Variants in MFSD2B observed in about 807,000 individuals in gnomAD.
The protein encoded by MFSD2B is MFSD2 lysolipid transporter B, sphingolipid.
MFSD2B carries 56 observed loss-of-function variants against 58.4 expected under a neutral mutation model. The observed-to-expected ratio is 0.96, with a 90% CI of 0.77 to 1.20. The LOEUF is 1.20. Ranked by LOEUF, MFSD2B falls within the 50% of genes most tolerant of loss-of-function variation. MFSD2B has a pLI of 0.00. For missense variants in MFSD2B, 645 were observed against 667.6 expected (o/e 0.97, Z 0.37); for synonymous variants, 287 against 294.4 (o/e 0.97, Z 0.26).
At chr2:24,011,326 G>A (rs1240016281) in intron 1 of MFSD2B, among the ~76,000 whole-genome samples, 1 of 152,242 alleles carries the variant, frequency 6.6e-6, no homozygotes, top group African/African-American at 2.4e-5. Context: ...TGTTTTGGGG[G>A]ATACAAGAGT....
rs1324165395 is a variant in MFSD2B, at chr2:24,024,331, C to A, written c.1490+60C>A. The A allele has an allele frequency of 4.6e-5, 68 of 1,486,004 alleles. No homozygotes were observed. In the Admixed American group the frequency reaches 1.3e-3, roughly 29 times the overall value. The allele number at this position is 1,486,004 out of a possible 1,614,324, so 92.1% of individuals were successfully genotyped here. On this transcript the variant is annotated intron_variant, in intron 13 of 13. Transcript: ENST00000338315. The surrounding 1 kb of genome is among the most constrained non-coding windows in gnomAD (Gnocchi z 4.3). ...ACAGTGTGGGCTGCTGGGGGAATGACTAACACCAGCCTGCAGACATCCCTG... is the reference window on the plus strand; with the variant it reads ...ACAGTGTGGGCTGCTGGGGGAATGAATAACACCAGCCTGCAGACATCCCTG...
chr2:24,017,046 G>C lies in MFSD2B; in HGVS notation c.471+78G>C. 6.4e-7 allele frequency: 1 copy of C among 1,564,860 alleles called. No homozygotes were observed. Among genetic ancestry groups the C allele is most frequent in the Non-Finnish European group, 8.7e-7 (1 of 1,155,654 alleles). Reference sequence around the variant, plus strand: ...ATGGCCACTCTGAAGTGTGCTGTGGGGGCAGGGCTGCCGCCCTCCCCACCC... The same window carrying C: ...ATGGCCACTCTGAAGTGTGCTGTGGCGGCAGGGCTGCCGCCCTCCCCACCC... On this transcript the variant is annotated intron_variant, in intron 4 of 13. Coordinates refer to ENST00000338315, the MANE Select transcript of MFSD2B (RefSeq NM_001346880.2). The surrounding 1 kb of genome is among the most constrained non-coding windows in gnomAD (Gnocchi z 4.8).
At chr2:24,011,695 A>G (rs1300822400) in intron 1 of MFSD2B, among the ~76,000 whole-genome samples, 1 of 152,200 alleles carries the variant, frequency 6.6e-6, no homozygotes, top group African/African-American at 2.4e-5. Context: ...TATACTAAGC[A>G]CCTACTGTAT....
At chr2:24,019,412 G>A (rs1662672445) in intron 6 of MFSD2B, among the ~76,000 whole-genome samples, 1 of 151,904 alleles carries the variant, frequency 6.6e-6, no homozygotes, top group Admixed American at 6.6e-5. Context: ...TAATATCTGT[G>A]GCCCACCACC....
rs867542825 is a variant in MFSD2B, at chr2:24,025,564, T to C, written c.*108T>C. The stretch of plus-strand genomic sequence containing the variant: ...GGTCTGGCAGTTTAGTATGTGACCT[T>C]TCTCCCTGGGATGTGGAGTCTTCGG... On this transcript the variant is annotated 3_prime_UTR_variant, in exon 14 of 14. Transcript: ENST00000338315. 13 of 1,028,612 alleles carry C rather than the reference T, an allele frequency of 1.3e-5. No individual in the cohort carries two copies. The African/African-American group carries it at 1.3e-4, about 10-fold the overall frequency. 63.7% of individuals were successfully genotyped at this position (1,028,612 alleles called of 1,614,324 possible). A position where few individuals can be genotyped will look rare whatever the true frequency, so the allele number is the denominator to read the frequency against.
Position 24,021,302 on chromosome 2 carries a change from G to A in MFSD2B, c.682-346G>A, listed in dbSNP as rs1662775693. Among the ~76,000 whole-genome samples the A allele has an allele frequency of 6.6e-6, 1 of 152,198 alleles. No individual in the cohort carries two copies. The highest frequency in any genetic ancestry group is 6.5e-5 in the Admixed American group (1 of 15,284). On this transcript the variant is annotated intron_variant, in intron 6 of 13. Transcript: ENST00000338315. This position sits in a 1 kb window ranked among gnomAD's most constrained non-coding sequence, Gnocchi z 5.7. ...CACTCTGAGCCCTGTGGATGGACAG[G>A]GCTCACTTATTCATCATTGGAGCCT...
chr2:24,019,037 G>A (rs931931634), intron 6 of MFSD2B, among the ~76,000 whole-genome samples: 5 of 152,020 alleles, frequency 3.3e-5, no homozygotes, highest in Non-Finnish European at 7.4e-5. Context: ...TTTTAGTAGA[G>A]ATGGGGTTTT....
chr2:24,026,715 A>G lies in MFSD2B; in HGVS notation c.*1259A>G, dbSNP rs1011198243. On this transcript the variant is annotated 3_prime_UTR_variant, in exon 14 of 14. Transcript: ENST00000338315. ...AGGGGACCCTTTTAGATTTCATTCT[A>G]TATACCTCTTCAGCTGGCTGTTCAT... 3 of 152,250 alleles carry G rather than the reference A, an allele frequency of 2.0e-5. No individual in the cohort carries two copies. The highest frequency in any genetic ancestry group is 2.9e-5 in the Non-Finnish European group (2 of 68,042). The allele number at this position is 152,250 out of a possible 1,614,324, so 9.4% of individuals were successfully genotyped here.
In MFSD2B at chr2:24,016,860, C is replaced by T; in HGVS notation, c.363C>T (p.Thr121=). 1.2e-6 allele frequency: 2 copies of T among 1,613,582 alleles called. No homozygotes were observed. Among genetic ancestry groups the T allele is most frequent in the Non-Finnish European group, 8.5e-7 (1 of 1,179,782 alleles). The stretch of plus-strand genomic sequence containing the variant: ...GCTTCCGCAGGGTGCTGGGCTGCAC[C>T]CCCTTCATCGCCCTGGCCTACTTCT... ...GRLMPWVLGC[T]PFIALAYFFL... is the part of the protein sequence containing the mutation. Residue 121 remains threonine (T), a synonymous_variant, in exon 4 of 14, where the codon ACC becomes ACT. Transcript: ENST00000338315.
chr2:24,011,716 G>C (rs961832892), intron 1 of MFSD2B, among the ~76,000 whole-genome samples: 2 of 152,206 alleles, frequency 1.3e-5, no homozygotes, highest in East Asian at 1.9e-4. Flanking sequence ...ACCAAGCTTT[G>C]TTCTAGGTAC....
Position 24,021,342 on chromosome 2 carries a change from C to T in MFSD2B, c.682-306C>T, listed in dbSNP as rs951154419. On this transcript the variant is annotated intron_variant, in intron 6 of 13. Transcript: ENST00000338315. This position sits in a 1 kb window ranked among gnomAD's most constrained non-coding sequence, Gnocchi z 5.7. Reference sequence around the variant, plus strand: ...CATTGGAGCCTCAGGGCCTGGCATGCGGAAGGCAGCAGCAGTCAATGTTTG... The same window carrying T: ...CATTGGAGCCTCAGGGCCTGGCATGTGGAAGGCAGCAGCAGTCAATGTTTG... 1.2e-4 allele frequency among the ~76,000 whole-genome samples: 18 copies of T among 152,136 alleles called. No homozygotes were observed. The highest frequency in any genetic ancestry group is 3.6e-4 in the African/African-American group (15 of 41,430).
rs530383795 is a variant in MFSD2B, at chr2:24,017,759, TA to T, written c.681+173del. Among the ~76,000 whole-genome samples the T allele has an allele frequency of 1.9e-4, 29 of 152,284 alleles. 1 individual carries two copies. In the South Asian group the frequency reaches 6.0e-3, roughly 32 times the overall value. ...CAGTTGAGCAGATGGCCCCCAAATC[TA>T]ACGTCCTCTGCTAAACCTGCCTCCT... is the stretch of plus-strand genomic sequence containing the variant. On this transcript the variant is annotated intron_variant, in intron 6 of 13. Coordinates refer to ENST00000338315, the MANE Select transcript of MFSD2B (RefSeq NM_001346880.2). This position sits in a 1 kb window ranked among gnomAD's most constrained non-coding sequence, Gnocchi z 4.8.
chr2:24,015,689 TAGTC>T (rs1263732996), intron 2 of MFSD2B, among the ~76,000 whole-genome samples: 1 of 152,230 alleles, frequency 6.6e-6, no homozygotes, highest in Non-Finnish European at 1.5e-5. Context: ...ATTATTTACA[TAGTC>T]AGAAAAAACA....
In MFSD2B at chr2:24,013,355, T is replaced by G. The variant is rs748801665; in HGVS notation, c.167T>G (p.Ile56Arg). The G allele has an allele frequency of 6.2e-7, 1 of 1,611,920 alleles. No individual in the cohort carries two copies. Among genetic ancestry groups the G allele is most frequent in the Admixed American group, 1.7e-5 (1 of 59,826 alleles). Residue 56 changes from isoleucine (I) to arginine (R), a missense_variant, in exon 2 of 14, where the codon ATA becomes AGA. Coordinates refer to ENST00000338315, the MANE Select transcript of MFSD2B (RefSeq NM_001346880.2). Reference sequence around the variant, plus strand: ...GGCATTGGTGGGGTCCCCAACCAGATAGCCTCCAGCGCCACAGCCTTTTAC... The same window carrying G: ...GGCATTGGTGGGGTCCCCAACCAGAGAGCCTCCAGCGCCACAGCCTTTTAC... The part of the protein sequence containing the change: ...CYGIGGVPNQ[I>R]ASSATAFYLQ...
intron 1 of MFSD2B, among the ~76,000 whole-genome samples, chr2:24,010,733 C>T (rs1327102981): frequency 6.6e-6 from 1 of 152,172 alleles, no homozygotes; most frequent in African/African-American, 2.4e-5. Flanking sequence ...CCCGATGCCG[C>T]CGGGCCGTGC....
Position 24,022,049 on chromosome 2 carries a change from T to C in MFSD2B, c.894+79T>C. 1.3e-6 allele frequency: 2 copies of C among 1,557,714 alleles called. No homozygotes were observed. The highest frequency in any genetic ancestry group is 1.8e-6 in the Non-Finnish European group (2 of 1,135,660). On this transcript the variant is annotated intron_variant, in intron 8 of 13. Coordinates refer to ENST00000338315, the MANE Select transcript of MFSD2B (RefSeq NM_001346880.2). This position sits in a 1 kb window ranked among gnomAD's most constrained non-coding sequence, Gnocchi z 4.5. ...CATAGGTTCAGGGTGCAGTCTTGGC[T>C]TGAGTTTTATAGGGAGAAACCTGCG...
Position 24,016,223 on chromosome 2 carries a change from T to G in MFSD2B, c.290T>G (p.Val97Gly). ...GKVSGAAADP[V>G]AGFFINRSQR... ...GTGTCTGGGGCGGCTGCTGACCCTG[T>G]GGCTGGGTTCTTCATCAACAGGAGC... The change falls in exon 3 of 14, where the codon GTG becomes GGG. Residue 97 changes from valine to glycine, a missense_variant. Coordinates refer to ENST00000338315, the MANE Select transcript of MFSD2B (RefSeq NM_001346880.2). 1 of 1,614,014 alleles carries G rather than the reference T, an allele frequency of 6.2e-7. No individual in the cohort carries two copies.
chr2:24,023,621 A>C lies in MFSD2B; in HGVS notation c.1208A>C (p.Gln403Pro). 6.2e-7 allele frequency: 1 copy of C among 1,613,948 alleles called. No homozygotes were observed. Residue 403 changes from glutamine to proline, a missense_variant, in exon 12 of 14, where the codon CAG (glutamine) becomes CCG (proline). Transcript: ENST00000338315. The surrounding 1 kb of genome is among the most constrained non-coding windows in gnomAD (Gnocchi z 5.0). Reference sequence around the variant, plus strand: ...GACGTGGTGGATGACTTTCAGCTGCAGCACCGTCACGGGCCAGGCCTGGAG... The same window carrying C: ...GACGTGGTGGATGACTTTCAGCTGCCGCACCGTCACGGGCCAGGCCTGGAG... Reference protein sequence around the residue: ...LPDVVDDFQLQHRHGPGLETI... With the variant: ...LPDVVDDFQLPHRHGPGLETI...
At chr2:24,010,248 G>T in intron 1 of MFSD2B, 56 bp downstream of exon 1, 2 of 1,256,448 alleles carry the variant, frequency 1.6e-6, no homozygotes, top group South Asian at 4.3e-5. Flanking sequence ...GCTCCAGGGC[G>T]TCGCCTCGCA....
Sources: allele counts gnomAD v4.1 joint callset (sites outside exome capture counted in the v4.1 genomes callset), GRCh38; gene constraint gnomAD v4.1.1; non-coding constraint Gnocchi (gnomAD v3.1); transcripts MANE v1.5; gene names NCBI Gene and HGNC (gene_info 2026-07-23, HGNC 2026-07-21).